Variants in TBPL1 observed in about 807,000 individuals in gnomAD.
TBPL1 encodes the protein TATA box-binding protein-like 1.
In TBPL1, 4 loss-of-function variants were observed where a neutral mutation model predicts 22.1. That is an observed-to-expected ratio of 0.18 (90% confidence interval 0.09 to 0.41). TBPL1 has a LOEUF of 0.41. Ranked by LOEUF, TBPL1 falls within the 10% of genes least tolerant of loss-of-function variation. The probability of loss-of-function intolerance (pLI) is 1.00; values close to 1 mark genes in which losing one functional copy is unlikely to be tolerated. For missense variants in TBPL1, 115 were observed against 222.3 expected (o/e 0.52, Z 3.07); for synonymous variants, 64 against 71.0 (o/e 0.90, Z 0.50).
Position 133,987,058 on chromosome 6 carries a change from T to C in TBPL1, c.*18T>C, listed in dbSNP as rs2114398451. 6.3e-7 allele frequency: 1 copy of C among 1,584,052 alleles called. No individual in the cohort carries two copies. Among genetic ancestry groups the C allele is most frequent in the Non-Finnish European group, 8.6e-7 (1 of 1,157,516 alleles). ...TTTTATAATTCACCACTTAATTGGTTAGAATCTCTAACTGAGCACCTTTTA... is the reference window on the plus strand; with the variant it reads ...TTTTATAATTCACCACTTAATTGGTCAGAATCTCTAACTGAGCACCTTTTA... On this transcript the variant is annotated 3_prime_UTR_variant, in exon 7 of 7. Coordinates refer to ENST00000237264, the MANE Select transcript of TBPL1 (RefSeq NM_004865.4).
chr6:133,956,882 A>C (rs1453242751), intron 1 of TBPL1, among the ~76,000 whole-genome samples: 2 of 152,242 alleles, frequency 1.3e-5, no homozygotes, highest in African/African-American at 4.8e-5. Flanking sequence ...GGGAAATTTC[A>C]AAAGGATGAG....
In TBPL1 at chr6:133,960,208, T is replaced by C. The variant is rs574875414; in HGVS notation, c.-45+6783T>C. On this transcript the variant is annotated intron_variant, in intron 1 of 6. Transcript: ENST00000237264. ...TGGTTGCAGGGATCACAGACAACCA[T>C]ATTGAAGGCACAATGACTAATTCAT... Among the ~76,000 whole-genome samples, 4 of 152,266 alleles carry C rather than the reference T, an allele frequency of 2.6e-5. No individual in the cohort carries two copies. In the South Asian group the frequency reaches 8.3e-4, roughly 32 times the overall value.
chr6:133,975,355 CAG>C (rs994610307), intron 1 of TBPL1, among the ~76,000 whole-genome samples: 9 of 151,800 alleles, frequency 5.9e-5, no homozygotes, highest in African/African-American at 2.2e-4. Context: ...TTGAAGAAAA[CAG>C]AGACATGAAT....
chr6:133,980,344 GAT>G, intron 2 of TBPL1, 84 bp downstream of exon 2: 3 of 1,415,926 alleles, frequency 2.1e-6, no homozygotes, highest in Non-Finnish European at 2.8e-6. Flanking sequence ...TCATTCTACA[GAT>G]AGTTTATGAG....
intron 1 of TBPL1, among the ~76,000 whole-genome samples, chr6:133,966,559 G>A (rs1038859981): frequency 7.9e-5 from 12 of 152,208 alleles, no homozygotes; most frequent in African/African-American, 2.6e-4. Flanking sequence ...TAACTGCTCC[G>A]TATCTCCTCT....
intron 6 of TBPL1, among the ~76,000 whole-genome samples, chr6:133,985,657 C>CA (rs1365491800): frequency 6.6e-6 from 1 of 151,748 alleles, no homozygotes; most frequent in Non-Finnish European, 1.5e-5. Context: ...CAACCTTAGG[C>CA]AAAAAAGAAT....
intron 4 of TBPL1, 61 bp from the exon 5 acceptor site, chr6:133,984,315 A>G (rs1776468900): frequency 1.6e-6 from 2 of 1,287,832 alleles, no homozygotes; most frequent in East Asian, 2.4e-5. Flanking sequence ...TGCCATTATG[A>G]GCAGATTTTT....
intron 4 of TBPL1, among the ~76,000 whole-genome samples, chr6:133,983,967 GC>G (rs1776462153): frequency 1.3e-5 from 2 of 152,150 alleles, no homozygotes; most frequent in Non-Finnish European, 2.9e-5. Context: ...GACTTTTGGA[GC>G]CCAGTGTACA....
intron 1 of TBPL1, among the ~76,000 whole-genome samples, chr6:133,968,539 T>A (rs868088762): frequency 2.6e-5 from 4 of 152,360 alleles, no homozygotes; most frequent in Middle Eastern, 3.4e-3. Context: ...TGAGTTTTTT[T>A]ATTCTTCAAA....
intron 1 of TBPL1, among the ~76,000 whole-genome samples, chr6:133,960,985 T>C (rs1471436903): frequency 6.6e-6 from 1 of 152,242 alleles, no homozygotes; most frequent in Middle Eastern, 3.2e-3. Flanking sequence ...GGAACACAGT[T>C]GCTCTTCAGG....
At chr6:133,957,994 A>G (rs1775955719) in intron 1 of TBPL1, among the ~76,000 whole-genome samples, 1 of 152,156 alleles carries the variant, frequency 6.6e-6, no homozygotes, top group African/African-American at 2.4e-5. Context: ...TTCACTGACT[A>G]TTGGACTCAT....
intron 1 of TBPL1, among the ~76,000 whole-genome samples, chr6:133,956,547 C>T (rs1371859519): frequency 6.7e-6 from 1 of 148,832 alleles, no homozygotes; most frequent in African/African-American, 2.6e-5. Flanking sequence ...TCTTGAGGAT[C>T]AGGAGTATGA....
At chr6:133,962,660 A>T (rs777921656) in intron 1 of TBPL1, among the ~76,000 whole-genome samples, 3 of 152,216 alleles carry the variant, frequency 2.0e-5, no homozygotes, top group African/African-American at 4.8e-5. Context: ...TAGATGTAGG[A>T]GCCAGCCATA....
intron 1 of TBPL1, among the ~76,000 whole-genome samples, chr6:133,958,053 A>T (rs1775956784): frequency 6.6e-6 from 1 of 152,138 alleles, no homozygotes; most frequent in African/African-American, 2.4e-5. Context: ...TAAGTTTTGA[A>T]TTGTCACACA....
upstream of TBPL1, chr6:133,953,139 G>A (rs1775862923): frequency 6.6e-6 from 1 of 152,562 alleles, no homozygotes; most frequent in Non-Finnish European, 1.5e-5. Flanking sequence ...GGAGCGCCCT[G>A]TCCGGCGGCG....
In TBPL1 at chr6:133,984,677, C is replaced by T. The variant is rs925198230; in HGVS notation, c.481+6C>T. The T allele has an allele frequency of 3.7e-6, 6 of 1,600,412 alleles. No individual in the cohort carries two copies. The Admixed American group carries it at 1.0e-4, about 27-fold the overall frequency. ...AGGAAGTATCACAGTAACAGGTATTCTATGATATTGAAACCACACTTATCA... is the reference window on the plus strand; with the variant it reads ...AGGAAGTATCACAGTAACAGGTATTTTATGATATTGAAACCACACTTATCA... On this transcript the variant is annotated splice_donor_region_variant and intron_variant, in intron 6 of 6. Coordinates refer to ENST00000237264, the MANE Select transcript of TBPL1 (RefSeq NM_004865.4).
At chr6:133,978,685 T>C (rs1056157409) in intron 1 of TBPL1, among the ~76,000 whole-genome samples, 4 of 152,106 alleles carry the variant, frequency 2.6e-5, no homozygotes, top group Non-Finnish European at 5.9e-5. Context: ...TGAGGTACAA[T>C]TGATACACAG....
chr6:133,980,059 C>T, intron 1 of TBPL1, 23 bp from the exon 2 acceptor site: 1 of 1,377,900 alleles, frequency 7.3e-7, no homozygotes, highest in East Asian at 2.7e-5. Flanking sequence ...AGTTTAATGA[C>T]TTTATTTTGT....
intron 1 of TBPL1, among the ~76,000 whole-genome samples, chr6:133,969,251 CT>C (rs536421364): frequency 0.021 from 2,568 of 122,596 alleles, 56 homozygotes; most frequent in African/African-American, 0.055. Flanking sequence ...ATAAAATACA[CT>C]TTTTTTTTTT....
Sources: allele counts gnomAD v4.1 joint callset (sites outside exome capture counted in the v4.1 genomes callset), GRCh38; gene constraint gnomAD v4.1.1; transcripts MANE v1.5; gene names NCBI Gene and HGNC (gene_info 2026-07-23, HGNC 2026-07-21).